The following PTGR1 variants were observed in gnomAD, a reference collection of about 807,000 sequenced individuals.
PTGR1 encodes the protein prostaglandin reductase 1.
Under a neutral mutation model 37.7 loss-of-function variants are expected in PTGR1, and 23 were observed. That is an observed-to-expected ratio of 0.61 (90% CI 0.44 to 0.86). PTGR1 has a LOEUF of 0.86. Ranked by LOEUF, PTGR1 falls within the 40% of genes least tolerant of loss-of-function variation. The pLI is 0.00. For synonymous variants in PTGR1, 134 were observed against 140.0 expected, an observed-to-expected ratio of 0.96 and a Z score of 0.30; for missense variants, 351 against 394.3, an observed-to-expected ratio of 0.89 and a Z score of 0.93.
intron 6 of PTGR1, among the ~76,000 whole-genome samples, chr9:111,582,899 T>C (rs754528179): frequency 6.6e-6 from 1 of 152,214 alleles, no homozygotes; most frequent in South Asian, 2.1e-4. Context: ...CACTATGTAA[T>C]AACAAATCCA....
intron 8 of PTGR1, among the ~76,000 whole-genome samples, chr9:111,571,904 C>T (rs1044479782): frequency 3.3e-5 from 5 of 152,184 alleles, no homozygotes; most frequent in African/African-American, 9.7e-5. Flanking sequence ...CACAGCTCTC[C>T]TGCAGCCTGT....
chr9:111,561,148 G>GGGAGAGAGA (rs1554816400), downstream of PTGR1, among the ~76,000 whole-genome samples: 1 of 34,840 alleles, frequency 2.9e-5, no homozygotes, highest in African/African-American at 1.4e-4. Flanking sequence ...GGAGAGAGAG[G>GGGAGAGAGA]GAGAGAGAGA....
chr9:111,564,135 C>A, intron 9 of PTGR1: 1 of 496,820 alleles, frequency 2.0e-6, no homozygotes, highest in Non-Finnish European at 2.8e-6. Flanking sequence ...TTTAAGGGGT[C>A]TTATATAGAG....
chr9:111,573,080 G>A (rs1200132403), intron 8 of PTGR1, among the ~76,000 whole-genome samples: 1 of 152,174 alleles, frequency 6.6e-6, no homozygotes, highest in Non-Finnish European at 1.5e-5. Context: ...GACAAGGCCA[G>A]CTGACATCTC....
chr9:111,551,049 A>G (rs921043688), intron 9 of PTGR1, among the ~76,000 whole-genome samples: 19 of 152,262 alleles, frequency 1.2e-4, no homozygotes, highest in African/African-American at 4.3e-4. Flanking sequence ...TCCAACAGTA[A>G]TATAATGTGA....
Position 111,586,151 on chromosome 9 carries a change from T to C in PTGR1, c.224A>G (p.Lys75Arg). 1 of 1,614,094 alleles carries C rather than the reference T, an allele frequency of 6.2e-7. No individual in the cohort carries two copies. Among genetic ancestry groups the C allele is most frequent in the Non-Finnish European group, 8.5e-7 (1 of 1,179,968 alleles). ...GQQVAKVVES[K>R]NVALPKGTIV... ...AGTTCCTTTTGGTAGGGCTACATTT[T>C]TACTTTCCACAACTCTGAAAGATAA... The change falls in exon 5 of 10, where the codon AAA becomes AGA. Residue 75 changes from lysine (K) to arginine (R), a missense_variant. Lys to Arg is a conservative substitution (Grantham distance 26). Transcript: ENST00000407693.
At chr9:111,578,045 C>T (rs1829138053) in intron 7 of PTGR1, among the ~76,000 whole-genome samples, 1 of 151,558 alleles carries the variant, frequency 6.6e-6, no homozygotes, top group African/African-American at 2.4e-5. Context: ...TACAATTTTG[C>T]CAATATAGTA....
intron 9 of PTGR1, among the ~76,000 whole-genome samples, chr9:111,551,502 G>A (rs562255663): frequency 6.8e-6 from 1 of 146,716 alleles, no homozygotes; most frequent in Admixed American, 7.0e-5. Flanking sequence ...CCGCCTCCTG[G>A]GTTCCAGCAA....
chr9:111,559,584 CCA>C (rs149722704), downstream of PTGR1, among the ~76,000 whole-genome samples: 3 of 151,680 alleles, frequency 2.0e-5, no homozygotes, highest in South Asian at 2.1e-4. Flanking sequence ...TCACCAGTGT[CCA>C]CACACACACA....
At chr9:111,549,815 G>T in intron 9 of PTGR1, 1 of 1,469,800 alleles carries the variant, frequency 6.8e-7, no homozygotes, top group Non-Finnish European at 9.3e-7. Flanking sequence ...AACACAATCA[G>T]AACATTTAGC....
At chr9:111,594,401 C>A (rs996785904) in intron 2 of PTGR1, 134 bp from the exon 3 acceptor site, 3 of 745,702 alleles carry the variant, frequency 4.0e-6, no homozygotes, top group Middle Eastern at 2.3e-4. Context: ...ACCATGCTCA[C>A]TGCCTGGGTG....
intron 9 of PTGR1, among the ~76,000 whole-genome samples, chr9:111,566,703 C>A (rs530975332): frequency 6.6e-6 from 1 of 152,098 alleles, no homozygotes; most frequent in South Asian, 2.1e-4. Context: ...TTATTCAGTG[C>A]CTACATTGCT....
intron 2 of PTGR1, among the ~76,000 whole-genome samples, chr9:111,594,549 CT>C (rs71373753): frequency 8.0e-4 from 102 of 127,208 alleles, no homozygotes; most frequent in Admixed American, 2.1e-3. Flanking sequence ...TTTTGGCATT[CT>C]TTTTTTTTTT....
intron 1 of PTGR1, among the ~76,000 whole-genome samples, chr9:111,598,769 A>G (rs1829856376): frequency 6.6e-6 from 1 of 152,206 alleles, no homozygotes; most frequent in Non-Finnish European, 1.5e-5. Context: ...TGCTGGGATT[A>G]CAGGCGTGAG....
chr9:111,572,743 C>T (rs1335915960), intron 8 of PTGR1, among the ~76,000 whole-genome samples: 5 of 103,108 alleles, frequency 4.8e-5, no homozygotes, highest in Admixed American at 4.3e-4. Context: ...GGCAACAAAG[C>T]GAGACCCTGT....
Position 111,583,546 on chromosome 9 carries a change from C to A in PTGR1, c.421G>T (p.Gly141Cys), listed in dbSNP as rs1564619175. 6.2e-7 allele frequency: 1 copy of A among 1,614,068 alleles called. No individual in the cohort carries two copies. The highest frequency in any genetic ancestry group is 1.7e-5 in the Admixed American group (1 of 60,020). ...GCATTAACCATCACTGTTTCTCCAC[C>A]CTTCACACCACAGATTTCAAGTAGG... ...FGLLEICGVKGGETVMVNAAA... is the reference protein window; with the variant it reads ...FGLLEICGVKCGETVMVNAAA... Residue 141 changes from glycine (G) to cysteine (C), a missense_variant, in exon 6 of 10, where the codon GGT becomes TGT. By Grantham distance (159) the Gly-to-Cys change is radical. Coordinates refer to ENST00000407693, the MANE Select transcript of PTGR1 (RefSeq NM_001146108.2).
At chr9:111,585,702 C>T (rs2132414590) in intron 5 of PTGR1, among the ~76,000 whole-genome samples, 1 of 152,276 alleles carries the variant, frequency 6.6e-6, no homozygotes, top group East Asian at 1.9e-4. Context: ...CCTTTCTGTG[C>T]CTGGCTTATT....
intron 9 of PTGR1, among the ~76,000 whole-genome samples, chr9:111,555,732 T>C (rs915946296): frequency 5.3e-5 from 8 of 152,212 alleles, no homozygotes; most frequent in South Asian, 2.1e-4. Flanking sequence ...CTCACTATCA[T>C]GAGAACAACA....
intron 9 of PTGR1, among the ~76,000 whole-genome samples, chr9:111,551,398 TTG>T (rs1286250865): frequency 0.019 from 2,325 of 125,158 alleles, 89 homozygotes; most frequent in African/African-American, 0.039. Flanking sequence ...TATCCAGTTT[TTG>T]TTTTTTTTTT....
Sources: gnomAD v4.1 joint callset for allele counts (sites outside exome capture counted in the v4.1 genomes callset) on GRCh38, gnomAD v4.1.1 for gene constraint, MANE v1.5 for transcripts, NCBI Gene and HGNC (gene_info 2026-07-23, HGNC 2026-07-21) for gene names.